Variants in PSMC1 observed in about 807,000 individuals in gnomAD.
PSMC1 encodes 26S proteasome regulatory subunit 4.
PSMC1 carries 5 observed loss-of-function variants against 49.8 expected under a neutral mutation model. The observed-to-expected ratio is 0.10, with a 90% CI of 0.05 to 0.21. The LOEUF (loss-of-function observed/expected upper bound fraction) is 0.21. Ranked by LOEUF, PSMC1 falls within the 10% of genes least tolerant of loss-of-function variation. PSMC1 has a pLI of 1.00. For missense variants in PSMC1, 181 were observed against 535.7 expected (o/e 0.34, Z 6.54); for synonymous variants, 155 against 192.1 (o/e 0.81, Z 1.60).
rs759258081 is a variant in PSMC1, at chr14:90,270,169, T to C, written c.1034-29T>C. 3.7e-6 allele frequency: 6 copies of C among 1,609,156 alleles called. No individual in the cohort carries two copies. The East Asian group carries it at 1.3e-4, about 36-fold the overall frequency. ...GGCCGAGCCTGGGTTTGGATGTTGGTGTGACTTCAAATCTCTTTGTACCTG... is the reference window on the plus strand; with the variant it reads ...GGCCGAGCCTGGGTTTGGATGTTGGCGTGACTTCAAATCTCTTTGTACCTG... On this transcript the variant is annotated intron_variant, in intron 9 of 10. Coordinates refer to ENST00000261303, the MANE Select transcript of PSMC1 (RefSeq NM_002802.3).
At chr14:90,262,828 C>T (rs1308023290) in intron 3 of PSMC1, among the ~76,000 whole-genome samples, 1 of 144,688 alleles carries the variant, frequency 6.9e-6, no homozygotes, top group Non-Finnish European at 1.5e-5. Context: ...CTTGAGACTT[C>T]AAAGCCAAAA....
chr14:90,272,171 G>T lies in PSMC1; in HGVS notation c.1189-102G>T, dbSNP rs1891686474. The T allele has an allele frequency of 5.2e-6, 7 of 1,343,244 alleles. No homozygotes were observed. Among genetic ancestry groups the T allele is most frequent in the Middle Eastern group, 2.6e-4 (1 of 3,794 alleles). 83.2% of individuals were successfully genotyped at this position (1,343,244 alleles called of 1,614,324 possible). On this transcript the variant is annotated intron_variant, in intron 10 of 10. Transcript: ENST00000261303. This position sits in a 1 kb window ranked among gnomAD's most constrained non-coding sequence, Gnocchi z 4.5. ...GGCCTCCCAGAGTGCTGGGATTACA[G>T]GTGTGAGCCACCGCGCCTGGCCTCA...
intron 6 of PSMC1, 92 bp from the exon 7 acceptor site, chr14:90,264,978 A>C: frequency 1.1e-6 from 1 of 937,556 alleles, no homozygotes; most frequent in Non-Finnish European, 1.7e-6. Context: ...ATTTTTACTT[A>C]TTTTTGTTGA....
chr14:90,257,141 GTAA>G (rs1891310471), intron 1 of PSMC1, among the ~76,000 whole-genome samples: 1 of 152,144 alleles, frequency 6.6e-6, no homozygotes, highest in Non-Finnish European at 1.5e-5. Context: ...TGGTGCAGTA[GTAA>G]TAATAAAAAC....
Position 90,274,838 on chromosome 14 carries a change from A to ACACACCCCCCC in PSMC1, c.*2432_*2433insACACCCCCCCC, listed in dbSNP as rs1491397403. ...CACACACACACACACACACACACAC[A>ACACACCCCCCC]CCCCAATACATATGAATTGATCTGA... On this transcript the variant is annotated 3_prime_UTR_variant, in exon 11 of 11. Coordinates refer to ENST00000261303, the MANE Select transcript of PSMC1 (RefSeq NM_002802.3). The ACACACCCCCCC allele has an allele frequency of 8.9e-5, 6 of 67,182 alleles. No homozygotes were observed. Among genetic ancestry groups the ACACACCCCCCC allele is most frequent in the Non-Finnish European group, 1.9e-4 (6 of 31,316 alleles). 4.2% of individuals were successfully genotyped at this position (67,182 alleles called of 1,614,324 possible). A position where few individuals can be genotyped will look rare whatever the true frequency, so the allele number is the denominator to read the frequency against.
intron 1 of PSMC1, among the ~76,000 whole-genome samples, chr14:90,257,567 G>T (rs1483855865): frequency 6.6e-6 from 1 of 152,160 alleles, no homozygotes; most frequent in Non-Finnish European, 1.5e-5. Flanking sequence ...TATCATGAAC[G>T]GCAAGAAGGC....
In PSMC1 at chr14:90,264,049, C is replaced by A. The variant is rs376277827; in HGVS notation, c.474C>A (p.Ala158=). 5 of 1,609,702 alleles carry A rather than the reference C, an allele frequency of 3.1e-6. No individual in the cohort carries two copies. The highest frequency in any genetic ancestry group is 4.2e-6 in the Non-Finnish European group (5 of 1,178,774). ...CSVLLNHKVH[A]VIGVLMDDTD... is the part of the protein sequence containing the mutation. ...TTGATGTTTCCTGTTAGGTGCATGC[C>A]GTGATAGGGGTGCTGATGGATGACA... The change falls in exon 6 of 11, where the codon GCC becomes GCA. Residue 158 remains alanine, a synonymous_variant. Transcript: ENST00000261303.
chr14:90,267,928 C>T (rs1463991110), intron 7 of PSMC1: 1 of 290,936 alleles, frequency 3.4e-6, no homozygotes, highest in Non-Finnish European at 6.4e-6. Flanking sequence ...TAGTTCGCAG[C>T]TTTTCAGGGG....
intron 3 of PSMC1, among the ~76,000 whole-genome samples, chr14:90,261,411 G>T (rs1439133166): frequency 2.0e-5 from 3 of 152,220 alleles, no homozygotes; most frequent in African/African-American, 7.2e-5. Context: ...CTACCATAAT[G>T]AATTGGTATG....
intron 3 of PSMC1, among the ~76,000 whole-genome samples, chr14:90,262,740 C>T (rs566219281): frequency 4.2e-4 from 63 of 151,610 alleles, no homozygotes; most frequent in Non-Finnish European, 6.3e-4. Flanking sequence ...GCTGAGATCG[C>T]GCCGCTGCAC....
rs56242588 is a variant in PSMC1 at position 90,266,273 on chromosome 14, A to C, written c.691+1107A>C. Among the ~76,000 whole-genome samples the C allele has an allele frequency of 6.8e-3, 1,027 of 152,060 alleles. 4 individuals carry two copies. The highest frequency in any genetic ancestry group is 0.014 in the Middle Eastern group (4 of 294). On this transcript the variant is annotated intron_variant, in intron 7 of 10. Transcript: ENST00000261303. ...ATCTCCAAAAAAAAAAACAAAAAAA[A>C]CCCACCCTATTCTGCAGTATCAGAT...
At position 90,273,625 on chromosome 14, in the gene PSMC1, C is replaced by T. The variant is rs941131776; in HGVS notation, c.*1218C>T. 1 of 152,454 alleles carries T rather than the reference C, an allele frequency of 6.6e-6. No homozygotes were observed. The highest frequency in any genetic ancestry group is 1.5e-5 in the Non-Finnish European group (1 of 68,206). The allele number at this position is 152,454 out of a possible 1,614,324, so 9.4% of individuals were successfully genotyped here. A position where few individuals can be genotyped will look rare whatever the true frequency, so the allele number is the denominator to read the frequency against. ...AGTTCTGTAGGTCAGAAGTCCAACA[C>T]GAGTGTCTCCAGGCTAAAGTCTTGC... is the stretch of plus-strand genomic sequence containing the variant. On this transcript the variant is annotated 3_prime_UTR_variant, in exon 11 of 11. Transcript: ENST00000261303.
At chr14:90,267,530 C>G (rs1891549180) in intron 7 of PSMC1, 1 of 152,186 alleles carries the variant, frequency 6.6e-6, no homozygotes, top group East Asian at 1.9e-4. Context: ...TTGAGCTCTT[C>G]CCTGAGATCA....
At chr14:90,270,100 T>C (rs1468307388) in intron 9 of PSMC1, 98 bp from the exon 10 acceptor site, 7 of 1,305,234 alleles carry the variant, frequency 5.4e-6, no homozygotes, top group African/African-American at 1.5e-5. Context: ...TCTGTCCGAC[T>C]GAAACTTCGT....
chr14:90,263,910 C>A, intron 5 of PSMC1, 63 bp downstream of exon 5: 2 of 1,599,786 alleles, frequency 1.3e-6, no homozygotes, highest in Non-Finnish European at 1.7e-6. Context: ...TTAGGTTCAT[C>A]TTCCTGTCCC....
At chr14:90,267,296 G>A (rs893070558) in intron 7 of PSMC1, among the ~76,000 whole-genome samples, 3 of 152,030 alleles carry the variant, frequency 2.0e-5, no homozygotes, top group Non-Finnish European at 2.9e-5. Context: ...CGAGTAGCTA[G>A]GATTACAGGC....
At chr14:90,271,539 T>TA (rs1162763424) in intron 10 of PSMC1, 2 of 152,246 alleles carry the variant, frequency 1.3e-5, no homozygotes, top group African/African-American at 2.4e-5. Flanking sequence ...TACTGCCACT[T>TA]ACAGTATCTA....
In PSMC1 at chr14:90,272,987, AGAGATATCTTGAAAGCCCTTCT is replaced by A. The variant is rs1361188839; in HGVS notation, c.*584_*605del. ...TGTTCCCAAGAGACTGAGGATTCCTAGAGATATCTTGAAAGCCCTTCTGAGCCCTTGGGCTCAGAAATCTCAT... is the reference window on the plus strand; with the variant it reads ...TGTTCCCAAGAGACTGAGGATTCCTAGAGCCCTTGGGCTCAGAAATCTCAT... On this transcript the variant is annotated 3_prime_UTR_variant, in exon 11 of 11. Transcript: ENST00000261303. This position sits in a 1 kb window ranked among gnomAD's most constrained non-coding sequence, Gnocchi z 4.5. 1 of 152,210 alleles carries A rather than the reference AGAGATATCTTGAAAGCCCTTCT, an allele frequency of 6.6e-6. No individual in the cohort carries two copies. The highest frequency in any genetic ancestry group is 1.5e-5 in the Non-Finnish European group (1 of 68,058). 9.4% of individuals were successfully genotyped at this position (152,210 alleles called of 1,614,324 possible). A position where few individuals can be genotyped will look rare whatever the true frequency, so the allele number is the denominator to read the frequency against.
In PSMC1 at chr14:90,256,567, C is replaced by T. The variant is rs1891296292; in HGVS notation, c.-31C>T. 3.8e-6 allele frequency: 6 copies of T among 1,581,720 alleles called. No homozygotes were observed. The highest frequency in any genetic ancestry group is 4.3e-6 in the Non-Finnish European group (5 of 1,163,796). On this transcript the variant is annotated 5_prime_UTR_variant, in exon 1 of 11. Coordinates refer to ENST00000261303, the MANE Select transcript of PSMC1 (RefSeq NM_002802.3). ...CGGGCCGCAGTGGTGGAGGAACTTC[C>T]GGCAGCGGCAGCTCAAGTGGCCAAG...
Sources: allele counts gnomAD v4.1 joint callset (sites outside exome capture counted in the v4.1 genomes callset), GRCh38; gene constraint gnomAD v4.1.1; non-coding constraint Gnocchi (gnomAD v3.1); transcripts MANE v1.5; gene names NCBI Gene and HGNC (gene_info 2026-07-23, HGNC 2026-07-21).